ZNF3: variants seen among roughly 807,000 people sequenced by gnomAD.
ZNF3 encodes the protein C2-H2 type zinc finger protein.
Under a neutral mutation model 36.9 loss-of-function variants are expected in ZNF3, and 16 were observed. The observed-to-expected ratio is 0.43, with a 90% CI of 0.29 to 0.66. The LOEUF (loss-of-function observed/expected upper bound fraction) is 0.66. Among genes scored for constraint, ZNF3 ranks in the 30% least tolerant of loss-of-function variants. ZNF3 has a pLI of 0.13. For missense variants in ZNF3, 462 were observed against 543.1 expected, an observed-to-expected ratio of 0.85 and a Z score of 1.48; for synonymous variants, 201 against 201.9, an observed-to-expected ratio of 1.00 and a Z score of 0.04.
At chr7:100,074,080 A>C (rs1456247972) in intron 5 of ZNF3, among the ~76,000 whole-genome samples, 1 of 151,978 alleles carries the variant, frequency 6.6e-6, no homozygotes, top group Admixed American at 6.6e-5. Context: ...GCTTGAACGC[A>C]GGACGCAGAG....
exon 6 of ZNF3, chr7:100,064,355 C>T (rs1467257916): frequency 1.3e-5 from 21 of 1,614,004 alleles, no homozygotes; most frequent in Non-Finnish European, 1.7e-5. Flanking sequence ...GGGGAGAAGC[C>T]TTATCAGTGT....
intron 5 of ZNF3, among the ~76,000 whole-genome samples, chr7:100,074,340 G>A (rs570076246): frequency 3.9e-5 from 6 of 152,140 alleles, no homozygotes; most frequent in Non-Finnish European, 5.9e-5. Context: ...ATGCCATCTC[G>A]GCTCACTGCA....
Position 100,071,910 on chromosome 7 carries a change from T to A in ZNF3, c.574A>T (p.Arg192Ter). 6.2e-7 allele frequency: 1 copy of A among 1,614,242 alleles called. No homozygotes were observed. The highest frequency in any genetic ancestry group is 8.5e-7 in the Non-Finnish European group (1 of 1,180,038). The stretch of plus-strand genomic sequence containing the variant: ...TGGGGTCTGTCTCCCACGGGGAGTC[T>A]CTGATGTGAGATAAGGTTGGAATTC... ...TVNSNLISHQ[R>*]LPVGDRPHKC... Residue 192 changes from arginine to a stop codon, truncating the protein, a stop_gained, in exon 6 of 6, where the codon AGA becomes TGA. Transcript: ENST00000299667. LOFTEE classifies it high-confidence loss of function.
intron 2 of ZNF3, among the ~76,000 whole-genome samples, chr7:100,078,316 G>T (rs373003182): frequency 1.6e-4 from 24 of 150,902 alleles, no homozygotes; most frequent in African/African-American, 4.9e-4. Context: ...CCAGGATGAT[G>T]AAACCCCATC....
Position 100,071,777 on chromosome 7 carries a change from GCCTTC to G in ZNF3, c.702_706del (p.Lys235LeufsTer21). On this transcript the variant is annotated frameshift_variant, in exon 6 of 6. Transcript: ENST00000299667. LOFTEE classifies it high-confidence loss of function. ...AATAAGGTGTGAGCTCTGGCTGAAG[GCCTTC>G]CCACACTCATTACATTCATAGGGCT... is the stretch of plus-strand genomic sequence containing the variant. The G allele has an allele frequency of 6.2e-7, 1 of 1,613,916 alleles. No homozygotes were observed. Among genetic ancestry groups the G allele is most frequent in the Non-Finnish European group, 8.5e-7 (1 of 1,179,856 alleles).
Position 100,070,529 on chromosome 7 carries a change from T to G in ZNF3, c.*614A>C, listed in dbSNP as rs1792966225. The G allele has an allele frequency of 1.0e-6, 1 of 985,428 alleles. No individual in the cohort carries two copies. Among genetic ancestry groups the G allele is most frequent in the Non-Finnish European group, 1.2e-6 (1 of 830,092 alleles). 61.0% of individuals were successfully genotyped at this position (985,428 alleles called of 1,614,324 possible). A position where few individuals can be genotyped will look rare whatever the true frequency, so the allele number is the denominator to read the frequency against. The stretch of plus-strand genomic sequence containing the variant: ...TGCTGGCAATATCACCAGGTTTCTC[T>G]TGGAAACATGGTCTGGCTGCTCCAA... On this transcript the variant is annotated 3_prime_UTR_variant, in exon 6 of 6. Coordinates refer to ENST00000299667, the MANE Select transcript of ZNF3 (RefSeq NM_032924.5).
At chr7:100,069,799 G>T (rs1289055034), downstream of ZNF3, among the ~76,000 whole-genome samples, 4 of 152,142 alleles carry the variant, frequency 2.6e-5, no homozygotes, top group Admixed American at 6.5e-5. Flanking sequence ...TTTTAGTAGA[G>T]ACGGGGTTTC....
In ZNF3 at chr7:100,070,555, G is replaced by C. The variant is rs1250455812; in HGVS notation, c.*588C>G. ...TGGAAACATGGTCTGGCTGCTCCAA[G>C]AGCCCTAAAGGACACCATCATCACA... On this transcript the variant is annotated 3_prime_UTR_variant, in exon 6 of 6. Transcript: ENST00000299667. 1 of 985,522 alleles carries C rather than the reference G, an allele frequency of 1.0e-6. No homozygotes were observed. Among genetic ancestry groups the C allele is most frequent in the Admixed American group, 6.1e-5 (1 of 16,268 alleles). 61.0% of individuals were successfully genotyped at this position (985,522 alleles called of 1,614,324 possible).
chr7:100,077,046 G>A lies in ZNF3; in HGVS notation c.55+257C>T, dbSNP rs544639870. ...AGATTGTGCCACTGCACTCTAGCCT[G>A]AGCAACAGAGCAAGACTCCATCTCA... On this transcript the variant is annotated intron_variant, in intron 3 of 5. Coordinates refer to ENST00000299667, the MANE Select transcript of ZNF3 (RefSeq NM_032924.5). The A allele has an allele frequency of 1.3e-4, 50 of 374,818 alleles. No homozygotes were observed. In the East Asian group the frequency reaches 2.4e-3, roughly 18 times the overall value. The allele number at this position is 374,818 out of a possible 1,614,324, so 23.2% of individuals were successfully genotyped here.
chr7:100,064,060 A>G lies in ZNF3; in HGVS notation c.*728T>C, dbSNP rs1266099026. 10 of 1,614,048 alleles carry G rather than the reference A, an allele frequency of 6.2e-6. No homozygotes were observed. The Admixed American group carries it at 1.2e-4, about 19-fold the overall frequency. On this transcript the variant is annotated 3_prime_UTR_variant, in exon 6 of 6. Coordinates refer to the ZNF3 transcript ENST00000413658. Reference sequence around the variant, plus strand: ...TGAATGTGGCAAAGCCTTTAGTAATAGCTCAAATCTCACCAAACACAGGAG... The same window carrying G: ...TGAATGTGGCAAAGCCTTTAGTAATGGCTCAAATCTCACCAAACACAGGAG...
Position 100,075,267 on chromosome 7 carries a change from A to T in ZNF3, c.145-6T>A. 1 of 1,614,158 alleles carries T rather than the reference A, an allele frequency of 6.2e-7. No individual in the cohort carries two copies. The highest frequency in any genetic ancestry group is 8.5e-7 in the Non-Finnish European group (1 of 1,180,018). On this transcript the variant is annotated splice_region_variant and splice_polypyrimidine_tract_variant and intron_variant, in intron 4 of 5. Transcript: ENST00000299667. ...TCCTCAAAGGTTACCAGCTCCTGAAACAACACGTGCTGGCATGCAATTTCA... is the reference window on the plus strand; with the variant it reads ...TCCTCAAAGGTTACCAGCTCCTGAATCAACACGTGCTGGCATGCAATTTCA...
chr7:100,065,053 AT>A, downstream of ZNF3: 1 of 1,058,912 alleles, frequency 9.4e-7, no homozygotes, highest in South Asian at 1.6e-5. Context: ...CCTCAGGACT[AT>A]TATTATAACA....
In ZNF3 at chr7:100,077,324, GTTCCTGAGATACGAGATCAGCCTGAGT is replaced by G. The variant is rs745688484; in HGVS notation, c.7_33del (p.Thr3_Glu11del). The G allele has an allele frequency of 1.5e-5, 25 of 1,613,946 alleles. No homozygotes were observed. The highest frequency in any genetic ancestry group is 2.2e-5 in the East Asian group (1 of 44,886). On this transcript the variant is annotated inframe_deletion, in exon 3 of 6. Transcript: ENST00000299667. Reference sequence around the variant, plus strand: ...TCACCACTGTCAAGCAGGGCCTGAGGTTCCTGAGATACGAGATCAGCCTGAGTTTCCATGGAAGGGCAAGGTGCTCTC... The same window carrying G: ...TCACCACTGTCAAGCAGGGCCTGAGGTTCCATGGAAGGGCAAGGTGCTCTC...
intron 5 of ZNF3, among the ~76,000 whole-genome samples, chr7:100,074,924 T>C (rs1299829982): frequency 2.6e-5 from 4 of 152,112 alleles, no homozygotes; most frequent in Admixed American, 6.5e-5. Context: ...TGGTGGTGCG[T>C]GCCTGTAGTC....
At chr7:100,064,093 A>G (rs1466699281) in exon 6 of ZNF3, 1 of 1,614,050 alleles carries the variant, frequency 6.2e-7, no homozygotes, top group Non-Finnish European at 8.5e-7. Flanking sequence ...GAGAACACAC[A>G]CTGGGGAGAA....
At chr7:100,073,642 G>A (rs1427156057) in intron 5 of ZNF3, among the ~76,000 whole-genome samples, 6 of 151,806 alleles carry the variant, frequency 4.0e-5, no homozygotes, top group East Asian at 2.0e-4. Context: ...GAGCCACCGC[G>A]CCTGGCCTAA....
chr7:100,075,896 G>C (rs1480611114), intron 3 of ZNF3, among the ~76,000 whole-genome samples: 1 of 152,116 alleles, frequency 6.6e-6, no homozygotes, highest in Non-Finnish European at 1.5e-5. Flanking sequence ...CTTCTCTCCA[G>C]TCACTCTTCT....
At position 100,071,201 on chromosome 7, in the gene ZNF3, C is replaced by A; in HGVS notation, c.1283G>T (p.Gly428Val). 6.2e-7 allele frequency: 1 copy of A among 1,613,434 alleles called. No homozygotes were observed. The highest frequency in any genetic ancestry group is 8.5e-7 in the Non-Finnish European group (1 of 1,179,546). ...HTGEKPLNGIGMSKSSLRVTT... is the reference protein window; with the variant it reads ...HTGEKPLNGIVMSKSSLRVTT... ...AACTCTGAGGGAGCTTTTGCTCATGCCGATCCCATTCAAAGGCTTCTCTCC... is the reference window on the plus strand; with the variant it reads ...AACTCTGAGGGAGCTTTTGCTCATGACGATCCCATTCAAAGGCTTCTCTCC... Residue 428 changes from glycine to valine, a missense_variant, in exon 6 of 6, where the codon GGC becomes GTC. By Grantham distance (109) the Gly-to-Val change is moderately radical. Transcript: ENST00000299667.
chr7:100,077,513 G>A (rs1322678431), intron 2 of ZNF3, 80 bp from the exon 3 acceptor site: 1 of 1,371,926 alleles, frequency 7.3e-7, no homozygotes, highest in Non-Finnish European at 9.8e-7. Flanking sequence ...TAGTATTTCA[G>A]TGAGTACCCA....
Sources: gnomAD v4.1 joint callset for allele counts (sites outside exome capture counted in the v4.1 genomes callset) on GRCh38, gnomAD v4.1.1 for gene constraint, MANE v1.5 for transcripts, NCBI Gene and HGNC (gene_info 2026-07-23, HGNC 2026-07-21) for gene names.